Variants in STPG2 observed in about 807,000 individuals in gnomAD.
The protein encoded by STPG2 is sperm-tail PG-rich repeat-containing protein 2.
STPG2 carries 56 observed loss-of-function variants against 54.2 expected under a neutral mutation model. The observed-to-expected ratio is 1.03, with a 90% CI of 0.83 to 1.29. The LOEUF is 1.29. STPG2 is among the 50% of genes most tolerant of loss of function. The probability of loss-of-function intolerance (pLI) is 0.00; values close to 1 mark genes in which losing one functional copy is unlikely to be tolerated. For missense variants in STPG2, 596 were observed against 544.9 expected (o/e 1.09, Z -0.93); for synonymous variants, 200 against 181.8 (o/e 1.10, Z -0.81).
intron 10 of STPG2, among the ~76,000 whole-genome samples, chr4:97,673,252 C>T (rs1420753052): frequency 6.6e-6 from 1 of 152,082 alleles, no homozygotes; most frequent in Non-Finnish European, 1.5e-5. Flanking sequence ...CAGCACTTAA[C>T]AATTTTAAAC....
chr4:97,565,360 T>C (rs1372431747), intron 10 of STPG2, among the ~76,000 whole-genome samples: 1 of 152,208 alleles, frequency 6.6e-6, no homozygotes, highest in African/African-American at 2.4e-5. Flanking sequence ...AGTTTTCAAC[T>C]TCTTTTCCCT....
chr4:97,859,480 T>C (rs1185098871), intron 8 of STPG2, among the ~76,000 whole-genome samples: 2 of 150,550 alleles, frequency 1.3e-5, no homozygotes, highest in Non-Finnish European at 1.5e-5. Flanking sequence ...TTTTTTTTTT[T>C]TGAGATGGAG....
chr4:97,870,264 G>A (rs980934818), intron 8 of STPG2, among the ~76,000 whole-genome samples: 3 of 151,410 alleles, frequency 2.0e-5, no homozygotes, highest in Non-Finnish European at 3.0e-5. Context: ...ACATTTTCAC[G>A]AAAATGTGAT....
chr4:97,652,683 T>C (rs1433383853), intron 10 of STPG2, among the ~76,000 whole-genome samples: 1 of 151,924 alleles, frequency 6.6e-6, no homozygotes, highest in East Asian at 1.9e-4. Context: ...GTAATACACA[T>C]ACACATAAAA....
intron 10 of STPG2, among the ~76,000 whole-genome samples, chr4:97,701,284 G>A (rs1723766345): frequency 6.6e-6 from 1 of 151,898 alleles, no homozygotes; most frequent in Non-Finnish European, 1.5e-5. Context: ...ATGAGTCCAG[G>A]GACCCACTGG....
At chr4:97,905,289 G>A (rs1383952157) in intron 8 of STPG2, among the ~76,000 whole-genome samples, 2 of 152,160 alleles carry the variant, frequency 1.3e-5, no homozygotes, top group African/African-American at 4.8e-5. Flanking sequence ...AGAAGACAGT[G>A]GGGGCCAATA....
chr4:97,953,982 T>C (rs1221438423), intron 7 of STPG2, among the ~76,000 whole-genome samples: 3 of 152,216 alleles, frequency 2.0e-5, no homozygotes, highest in Non-Finnish European at 4.4e-5. Context: ...AAAAAGAAAC[T>C]ACAATAATTT....
At chr4:98,088,521 T>C (rs1305057256) in intron 5 of STPG2, among the ~76,000 whole-genome samples, 1 of 152,012 alleles carries the variant, frequency 6.6e-6, no homozygotes, top group African/African-American at 2.4e-5. Context: ...TAAATGCTTC[T>C]TGAATTTAAA....
chr4:97,579,778 A>T (rs956591222), intron 10 of STPG2, among the ~76,000 whole-genome samples: 2 of 152,040 alleles, frequency 1.3e-5, no homozygotes, highest in African/African-American at 4.8e-5. Flanking sequence ...TCATTTAATC[A>T]GATTTATAAA....
intron 9 of STPG2, among the ~76,000 whole-genome samples, chr4:97,818,569 T>C (rs1727988657): frequency 2.0e-5 from 3 of 151,914 alleles, no homozygotes; most frequent in Admixed American, 1.3e-4. Flanking sequence ...GACTGCTGTA[T>C]TTTCAATTTT....
intron 9 of STPG2, among the ~76,000 whole-genome samples, chr4:97,776,639 G>A (rs1273283650): frequency 1.3e-5 from 2 of 152,098 alleles, no homozygotes; most frequent in African/African-American, 2.4e-5. Flanking sequence ...CATTTAATAT[G>A]GTATTGGAAT....
intron 1 of STPG2, among the ~76,000 whole-genome samples, chr4:98,137,033 C>A (rs1740151982): frequency 6.6e-6 from 1 of 151,680 alleles, no homozygotes; most frequent in Non-Finnish European, 1.5e-5. Context: ...TATAAAAGTT[C>A]TAAACACCTC....
At chr4:98,132,816 A>G (rs528651005) in intron 2 of STPG2, among the ~76,000 whole-genome samples, 31 of 152,080 alleles carry the variant, frequency 2.0e-4, no homozygotes, top group African/African-American at 7.2e-4. Context: ...CAAAACTAAA[A>G]TTTGCTGTAC....
At chr4:98,016,308 C>T (rs550393283) in intron 5 of STPG2, among the ~76,000 whole-genome samples, 1 of 152,240 alleles carries the variant, frequency 6.6e-6, no homozygotes, top group African/African-American at 2.4e-5. Context: ...TGTTTGTGTT[C>T]CTTTCCAAAT....
chr4:97,656,455 A>G (rs1213876456), intron 10 of STPG2, among the ~76,000 whole-genome samples: 2 of 152,006 alleles, frequency 1.3e-5, no homozygotes, highest in East Asian at 1.9e-4. Context: ...TTCCCTTTCA[A>G]ATCTTTTCTC....
At chr4:98,024,561 T>C (rs562348630) in intron 5 of STPG2, among the ~76,000 whole-genome samples, 162 of 152,312 alleles carry the variant, frequency 1.1e-3, no homozygotes, top group African/African-American at 3.5e-3. Flanking sequence ...CACATATATA[T>C]GTAGCACACA....
chr4:97,902,474 G>C (rs1731215624), intron 8 of STPG2, among the ~76,000 whole-genome samples: 1 of 152,050 alleles, frequency 6.6e-6, no homozygotes, highest in Non-Finnish European at 1.5e-5. Flanking sequence ...ATAACTAACA[G>C]TTGGCAAAAT....
intron 8 of STPG2, among the ~76,000 whole-genome samples, chr4:97,877,475 C>T (rs900775437): frequency 3.3e-5 from 5 of 152,098 alleles, no homozygotes; most frequent in African/African-American, 7.2e-5. Context: ...CACAGTTCCA[C>T]GTGGCTGGGG....
chr4:97,562,774 G>A (rs755526148), intron 10 of STPG2, among the ~76,000 whole-genome samples: 1 of 151,978 alleles, frequency 6.6e-6, no homozygotes, highest in African/African-American at 2.4e-5. Context: ...AACCAGCCTT[G>A]CATCCCAGGG....
Sources: gnomAD v4.1 joint callset for allele counts (sites outside exome capture counted in the v4.1 genomes callset) on GRCh38, gnomAD v4.1.1 for gene constraint, MANE v1.5 for transcripts, NCBI Gene and HGNC (gene_info 2026-07-23, HGNC 2026-07-21) for gene names.